The following VWA3B variants were observed in gnomAD, a reference collection of about 807,000 sequenced individuals.
VWA3B encodes the protein von Willebrand factor A domain containing 3B.
A neutral mutation model predicts 158.3 loss-of-function variants in VWA3B; 138 were observed. That is an observed-to-expected ratio of 0.87 (90% CI 0.76 to 1.00). VWA3B has a LOEUF of 1.00. Ranked by LOEUF, VWA3B falls within the 50% of genes least tolerant of loss-of-function variation. The probability of loss-of-function intolerance (pLI) is 0.00; values close to 1 mark genes in which losing one functional copy is unlikely to be tolerated. For synonymous variants in VWA3B, 596 were observed against 587.3 expected (o/e 1.01, Z -0.21); for missense variants, 1,555 against 1,565.1 (o/e 0.99, Z 0.11).
At chr2:98,091,578 TACC>T (rs1682296830) in intron 1 of VWA3B, among the ~76,000 whole-genome samples, 1 of 152,224 alleles carries the variant, frequency 6.6e-6, no homozygotes, top group Admixed American at 6.5e-5. Context: ...ATAAGAGTAG[TACC>T]TACCTCATGA....
intron 14 of VWA3B, among the ~76,000 whole-genome samples, chr2:98,227,334 A>G (rs1439992294): frequency 6.6e-6 from 1 of 152,230 alleles, no homozygotes; most frequent in African/African-American, 2.4e-5. Context: ...AATACAGCTT[A>G]CAAGGGACGT....
At chr2:98,245,316 G>T (rs1686323465) in intron 19 of VWA3B, 1 of 279,508 alleles carries the variant, frequency 3.6e-6, no homozygotes, top group Non-Finnish European at 7.0e-6. Context: ...GAAGCCGGGG[G>T]TGCCATGATT....
chr2:98,292,020 GA>G (rs1471833760), intron 23 of VWA3B: 1 of 151,008 alleles, frequency 6.6e-6, no homozygotes, highest in Admixed American at 6.6e-5. Flanking sequence ...GAGGCTGGTG[GA>G]TCACTTAAGG....
At chr2:98,299,734 A>G (rs942491821) in intron 24 of VWA3B, among the ~76,000 whole-genome samples, 1 of 152,218 alleles carries the variant, frequency 6.6e-6, no homozygotes, top group Non-Finnish European at 1.5e-5. Flanking sequence ...CTGGCAGATG[A>G]GGACACTGTT....
intron 1 of VWA3B, among the ~76,000 whole-genome samples, chr2:98,088,115 G>A (rs1681997696): frequency 6.6e-6 from 1 of 152,168 alleles, no homozygotes; most frequent in Non-Finnish European, 1.5e-5. Flanking sequence ...GGGAAGAGTT[G>A]CATCAGGATC....
At chr2:98,129,205 A>G (rs997008437) in intron 6 of VWA3B, among the ~76,000 whole-genome samples, 3 of 101,270 alleles carry the variant, frequency 3.0e-5, no homozygotes, top group South Asian at 2.7e-4. Flanking sequence ...AGAGAGAGAG[A>G]GGAGAGAGAG....
At chr2:98,319,740 C>T in the VWA3B span, among the ~76,000 whole-genome samples, 4 of 151,948 alleles carry the variant, frequency 2.6e-5, no homozygotes, top group Admixed American at 6.6e-5. Flanking sequence ...ATTAGCCATG[C>T]ATGGTGGTGC....
In VWA3B at chr2:98,217,870, G is replaced by T; in HGVS notation, c.1861G>T (p.Val621Phe). Residue 621 changes from valine to phenylalanine, a missense_variant, in exon 14 of 28, where the codon GTC becomes TTC. Physicochemically the swap from Val to Phe is conservative, Grantham distance 50. Coordinates refer to ENST00000477737, the MANE Select transcript of VWA3B (RefSeq NM_144992.5). ...GCCACCTGAAACAGTTATAGACCAG[G>T]TCAAACGTTTTCAGGAAATTCCTAT... ...DQPPETVIDQ[V>F]KRFQEIPIYT... The T allele has an allele frequency of 6.2e-7, 1 of 1,608,366 alleles. No individual in the cohort carries two copies. The highest frequency in any genetic ancestry group is 8.5e-7 in the Non-Finnish European group (1 of 1,177,994).
At chr2:98,195,715 T>C (rs1681986747) in intron 12 of VWA3B, among the ~76,000 whole-genome samples, 2 of 152,220 alleles carry the variant, frequency 1.3e-5, no homozygotes, top group Admixed American at 1.3e-4. Flanking sequence ...CATTGGGTTC[T>C]GCTTTATATA....
At chr2:98,245,696 G>A in intron 19 of VWA3B, 1 of 419,546 alleles carries the variant, frequency 2.4e-6, no homozygotes, top group Non-Finnish European at 4.9e-6. Flanking sequence ...TAGTGGTATT[G>A]ATTCACAATT....
chr2:98,299,192 C>G (rs1308764076), intron 24 of VWA3B, among the ~76,000 whole-genome samples: 1 of 152,048 alleles, frequency 6.6e-6, no homozygotes, highest in African/African-American at 2.4e-5. Flanking sequence ...GCCCCCCAGA[C>G]CTTGGTGCTT....
intron 9 of VWA3B, among the ~76,000 whole-genome samples, chr2:98,183,918 T>G (rs974103683): frequency 2.6e-5 from 4 of 152,220 alleles, no homozygotes; most frequent in African/African-American, 9.6e-5. Flanking sequence ...GATGTTGCCT[T>G]CCTTTTTTTC....
intron 14 of VWA3B, among the ~76,000 whole-genome samples, chr2:98,221,839 T>C (rs201646347): frequency 2.0e-5 from 3 of 152,234 alleles, no homozygotes; most frequent in East Asian, 3.9e-4. Context: ...AACCAGGCAG[T>C]GTGAGGCCAG....
chr2:98,127,570 CTG>C (rs150384187), intron 5 of VWA3B, among the ~76,000 whole-genome samples: 33 of 91,480 alleles, frequency 3.6e-4, no homozygotes, highest in East Asian at 7.4e-4. Context: ...CTGGTTTAAG[CTG>C]TGTGTGTGTG....
chr2:98,236,498 A>G, intron 18 of VWA3B, 21 bp downstream of exon 18: 1 of 1,614,184 alleles, frequency 6.2e-7, no homozygotes, highest in Non-Finnish European at 8.5e-7. Context: ...TAATTTGACA[A>G]AGACAGTTCT....
At position 98,177,726 on chromosome 2, in the gene VWA3B, C is replaced by G. The variant is rs532926948; in HGVS notation, c.1115-3290C>G. Among the ~76,000 whole-genome samples the G allele has an allele frequency of 4.5e-4, 68 of 152,296 alleles. No homozygotes were observed. The South Asian group carries it at 7.5e-3, about 17-fold the overall frequency. ...GGGAGCCTGAATCCTGCCCTCAGGA[C>G]TGCACCGCCTGGTCCACTGTGAAGT... On this transcript the variant is annotated intron_variant, in intron 8 of 27. Coordinates refer to ENST00000477737, the MANE Select transcript of VWA3B (RefSeq NM_144992.5).
At position 98,220,544 on chromosome 2, in the gene VWA3B, C is replaced by T. The variant is rs149587681; in HGVS notation, c.2019+2516C>T. Among the ~76,000 whole-genome samples, 8 of 152,194 alleles carry T rather than the reference C, an allele frequency of 5.3e-5. No individual in the cohort carries two copies. The East Asian group carries it at 1.2e-3, about 22-fold the overall frequency. On this transcript the variant is annotated intron_variant, in intron 14 of 27. Coordinates refer to ENST00000477737, the MANE Select transcript of VWA3B (RefSeq NM_144992.5). The stretch of plus-strand genomic sequence containing the variant: ...TCAACCATTGTGGAAGACAGTGTGG[C>T]GATTCCTCAAGAATCTAGAACCAGA...
chr2:98,143,185 G>T (rs768668999), intron 7 of VWA3B, among the ~76,000 whole-genome samples: 1 of 151,966 alleles, frequency 6.6e-6, no homozygotes, highest in Non-Finnish European at 1.5e-5. Flanking sequence ...GATTACATGC[G>T]CCTGCCATCA....
intron 12 of VWA3B, among the ~76,000 whole-genome samples, chr2:98,195,098 G>T (rs1025852574): frequency 6.6e-5 from 10 of 152,096 alleles, no homozygotes; most frequent in African/African-American, 2.4e-4. Flanking sequence ...ATAGCATTGC[G>T]AACTTCCAAA....
Sources: gnomAD v4.1 joint callset for allele counts (sites outside exome capture counted in the v4.1 genomes callset) on GRCh38, gnomAD v4.1.1 for gene constraint, MANE v1.5 for transcripts, NCBI Gene and HGNC (gene_info 2026-07-23, HGNC 2026-07-21) for gene names.